Variants in PCDHAC2 observed in about 807,000 individuals in gnomAD.
The protein encoded by PCDHAC2 is protocadherin alpha-C2.
PCDHAC2 carries 24 observed loss-of-function variants against 63.3 expected under a neutral mutation model. The observed-to-expected ratio is 0.38, with a 90% CI of 0.27 to 0.53. The LOEUF is 0.53. Ranked by LOEUF, PCDHAC2 falls within the 20% of genes least tolerant of loss-of-function variation. The probability of loss-of-function intolerance (pLI) is 0.81; values close to 1 mark genes in which losing one functional copy is unlikely to be tolerated. For missense variants in PCDHAC2, 1,181 were observed against 1,275.2 expected, an observed-to-expected ratio of 0.93 and a Z score of 1.12; for synonymous variants, 569 against 529.4, an observed-to-expected ratio of 1.07 and a Z score of -1.03.
chr5:141,000,618 G>A (rs1354281260), intron 3 of PCDHAC2, among the ~76,000 whole-genome samples: 1 of 150,858 alleles, frequency 6.6e-6, no homozygotes, highest in Non-Finnish European at 1.5e-5. Flanking sequence ...AGTAGAGACA[G>A]GGTTTCACCA....
chr5:141,009,606 T>C (rs2098413036), intron 3 of PCDHAC2, 21 bp from the exon 4 acceptor site: 1 of 1,609,858 alleles, frequency 6.2e-7, no homozygotes, highest in Non-Finnish European at 8.5e-7. Flanking sequence ...TGTTAATGAT[T>C]TGTAATGTTT....
chr5:140,967,872 A>G lies in PCDHAC2; in HGVS notation c.1106A>G (p.Asp369Gly). The G allele has an allele frequency of 1.2e-6, 2 of 1,614,034 alleles. No homozygotes were observed. The highest frequency in any genetic ancestry group is 1.7e-6 in the Non-Finnish European group (2 of 1,180,014). ...NDNAPEVVLT[D>G]LYSPVPENAT... Reference sequence around the variant, plus strand: ...AATGCCCCAGAGGTGGTGCTCACGGACCTGTATAGCCCAGTGCCTGAGAAT... The same window carrying G: ...AATGCCCCAGAGGTGGTGCTCACGGGCCTGTATAGCCCAGTGCCTGAGAAT... Residue 369 changes from aspartate (D) to glycine (G), a missense_variant, in exon 1 of 4, where the codon GAC (aspartate) becomes GGC (glycine). This residue lies in a region of PCDHAC2 where 968 missense variants were observed against 1,073.5 expected (regional missense o/e 0.90). Transcript: ENST00000289269.
At chr5:140,974,108 C>A (rs977903039) in intron 1 of PCDHAC2, among the ~76,000 whole-genome samples, 3 of 152,182 alleles carry the variant, frequency 2.0e-5, no homozygotes, top group African/African-American at 7.2e-5. Flanking sequence ...TAAAAGTATT[C>A]TTTTGCAGTG....
At chr5:140,981,939 A>G (rs765176340) in intron 2 of PCDHAC2, among the ~76,000 whole-genome samples, 1 of 152,180 alleles carries the variant, frequency 6.6e-6, no homozygotes, top group Non-Finnish European at 1.5e-5. Context: ...CTCAGGAAAT[A>G]TAGGGTGGGT....
intron 2 of PCDHAC2, among the ~76,000 whole-genome samples, chr5:140,981,637 C>A (rs1229068909): frequency 6.6e-6 from 1 of 152,150 alleles, no homozygotes; most frequent in Non-Finnish European, 1.5e-5. Context: ...TGGACATTTT[C>A]TCTTAGGATC....
chr5:140,988,025 G>A (rs1305100946), intron 3 of PCDHAC2, among the ~76,000 whole-genome samples: 1 of 152,136 alleles, frequency 6.6e-6, no homozygotes, highest in African/African-American at 2.4e-5. Context: ...TGATTCTTAA[G>A]TTTTTTAGAA....
chr5:140,989,788 G>GC (rs1331311072), intron 3 of PCDHAC2, among the ~76,000 whole-genome samples: 30 of 152,276 alleles, frequency 2.0e-4, no homozygotes, highest in African/African-American at 4.6e-4. Context: ...GAGACTAGAG[G>GC]CCCCCAGGAA....
chr5:141,001,213 A>G (rs2097997873), intron 3 of PCDHAC2, among the ~76,000 whole-genome samples: 1 of 152,154 alleles, frequency 6.6e-6, no homozygotes, highest in African/African-American at 2.4e-5. Context: ...TGTGCTGTAT[A>G]AGGATAGTTA....
chr5:141,010,396 C>A lies in PCDHAC2; in HGVS notation c.*459C>A. 7.5e-7 allele frequency: 1 copy of A among 1,337,260 alleles called. No individual in the cohort carries two copies. Among genetic ancestry groups the A allele is most frequent in the Non-Finnish European group, 1.0e-6 (1 of 999,990 alleles). 82.8% of individuals were successfully genotyped at this position (1,337,260 alleles called of 1,614,324 possible). On this transcript the variant is annotated 3_prime_UTR_variant, in exon 4 of 4. Coordinates refer to ENST00000289269, the MANE Select transcript of PCDHAC2 (RefSeq NM_018899.6). ...GTGCCAGATATTGGCTGAGACGAGC[C>A]AGCTTAGACTAATTGGTACAAGGAA...
In PCDHAC2 at chr5:140,969,141, G is replaced by T; in HGVS notation, c.2375G>T (p.Cys792Phe). ...RGNGSLTKTY[C>F]YKACLTAGSG... ...AATGGCTCCCTCACCAAGACCTACT[G>T]CTACAAGGCCTGTCTGACAGCAGGC... The change falls in exon 1 of 4, where the codon TGC (cysteine) becomes TTC (phenylalanine). Residue 792 changes from cysteine to phenylalanine, a missense_variant. By Grantham distance (205) the Cys-to-Phe change is radical (BLOSUM62 -2). Around this residue, in one of 3 missense-constraint regions of PCDHAC2, gnomAD observed 968 missense variants for 1,073.5 expected, o/e 0.90. Coordinates refer to ENST00000289269, the MANE Select transcript of PCDHAC2 (RefSeq NM_018899.6). 6.2e-7 allele frequency: 1 copy of T among 1,614,158 alleles called. No individual in the cohort carries two copies. The highest frequency in any genetic ancestry group is 8.5e-7 in the Non-Finnish European group (1 of 1,180,016).
chr5:140,971,557 T>A (rs1483701815), intron 1 of PCDHAC2, among the ~76,000 whole-genome samples: 5 of 152,150 alleles, frequency 3.3e-5, no homozygotes, highest in Non-Finnish European at 7.4e-5. Context: ...CCTGTTAAAT[T>A]CCCATGTTGG....
At chr5:140,987,232 A>G (rs1554248942) in intron 3 of PCDHAC2, among the ~76,000 whole-genome samples, 1 of 151,894 alleles carries the variant, frequency 6.6e-6, no homozygotes, top group African/African-American at 2.4e-5. Flanking sequence ...AAAAAATAAT[A>G]AATAAAGAAA....
In PCDHAC2 at chr5:140,966,885, C is replaced by A. The variant is rs1554228854; in HGVS notation, c.119C>A (p.Ala40Glu). 1 of 1,590,816 alleles carries A rather than the reference C, an allele frequency of 6.3e-7. No homozygotes were observed. The highest frequency in any genetic ancestry group is 1.7e-5 in the Admixed American group (1 of 57,614). Residue 40 changes from alanine (A) to glutamate (E), a missense_variant, in exon 1 of 4, where the codon GCG becomes GAG. Transcript: ENST00000289269. Reference sequence around the variant, plus strand: ...TTGCTGCTGCTGCTACCTGGCCCTGCGGCCTCCCAGCTGCGATACTCTGTG... The same window carrying A: ...TTGCTGCTGCTGCTACCTGGCCCTGAGGCCTCCCAGCTGCGATACTCTGTG... Reference protein sequence around the residue: ...LLLLLLLPGPAASQLRYSVPE... With the variant: ...LLLLLLLPGPEASQLRYSVPE...
chr5:140,989,563 C>A (rs1399360475), intron 3 of PCDHAC2, among the ~76,000 whole-genome samples: 1 of 152,118 alleles, frequency 6.6e-6, no homozygotes, highest in Non-Finnish European at 1.5e-5. Flanking sequence ...TTTTGTGGCT[C>A]CGGCAAGCCC....
At chr5:140,980,842 T>C (rs376646751) in intron 2 of PCDHAC2, among the ~76,000 whole-genome samples, 2 of 152,328 alleles carry the variant, frequency 1.3e-5, no homozygotes, top group Non-Finnish European at 2.9e-5. Flanking sequence ...ACCTAAATAA[T>C]ACTAATCTTT....
rs111391918 is a variant in PCDHAC2 at position 140,984,395 on chromosome 5, G to A, written c.2713+1832G>A. ...CCCTCTTTCAGATTCAAAAAATGTTGAGAACCTATCTTTTTTACAGAGATA... is the reference window on the plus strand; with the variant it reads ...CCCTCTTTCAGATTCAAAAAATGTTAAGAACCTATCTTTTTTACAGAGATA... On this transcript the variant is annotated intron_variant, in intron 3 of 3. Coordinates refer to ENST00000289269, the MANE Select transcript of PCDHAC2 (RefSeq NM_018899.6). 6.4e-3 allele frequency among the ~76,000 whole-genome samples: 978 copies of A among 152,194 alleles called. 14 individuals are homozygous for A. Among genetic ancestry groups the A allele is most frequent in the African/African-American group, 0.023 (947 of 41,508 alleles).
chr5:140,990,649 T>C (rs1465284882), intron 3 of PCDHAC2, among the ~76,000 whole-genome samples: 1 of 152,212 alleles, frequency 6.6e-6, no homozygotes, highest in African/African-American at 2.4e-5. Context: ...TCAGCCAGTA[T>C]GAATGATTTA....
Position 140,994,560 on chromosome 5 carries a change from C to T in PCDHAC2, c.2713+11997C>T, listed in dbSNP as rs140191916. Among the ~76,000 whole-genome samples, 970 of 152,032 alleles carry T rather than the reference C, an allele frequency of 6.4e-3. 14 individuals carry two copies. Among genetic ancestry groups the T allele is most frequent in the African/African-American group, 0.023 (943 of 41,474 alleles). On this transcript the variant is annotated intron_variant, in intron 3 of 3. Coordinates refer to ENST00000289269, the MANE Select transcript of PCDHAC2 (RefSeq NM_018899.6). ...TCTACAAAAAAAATATAAAAATTAG[C>T]CGGGTGTGGTGGCATGCACTTGTAG...
chr5:141,010,201 C>G lies in PCDHAC2; in HGVS notation c.*264C>G, dbSNP rs782495760. On this transcript the variant is annotated 3_prime_UTR_variant, in exon 4 of 4. Coordinates refer to ENST00000289269, the MANE Select transcript of PCDHAC2 (RefSeq NM_018899.6). ...GCAGACCCAAGTTTCCTTTCTCCTC[C>G]GCCGCAAAGGAGAGGCTTCCCAGCC... 9.0e-6 allele frequency: 14 copies of G among 1,551,916 alleles called. No homozygotes were observed. Among genetic ancestry groups the G allele is most frequent in the Non-Finnish European group, 1.0e-5 (12 of 1,147,084 alleles).
Sources: allele counts gnomAD v4.1 joint callset (sites outside exome capture counted in the v4.1 genomes callset), GRCh38; gene constraint gnomAD v4.1.1; regional missense constraint gnomAD v4.1.1; transcripts MANE v1.5; gene names NCBI Gene and HGNC (gene_info 2026-07-23, HGNC 2026-07-21).